The following MGMT variants were observed in gnomAD, a reference collection of about 807,000 sequenced individuals.
MGMT encodes the protein methylated-DNA--protein-cysteine methyltransferase.
MGMT carries 14 observed loss-of-function variants against 15.9 expected under a neutral mutation model. The ratio of observed to expected loss-of-function variants is 0.88; its 90% confidence interval spans 0.58 to 1.37. The LOEUF is 1.37. Ranked by LOEUF, MGMT falls within the 40% of genes most tolerant of loss-of-function variation. MGMT has a pLI of 0.00. For synonymous variants in MGMT, 130 were observed against 118.2 expected (o/e 1.10, Z -0.65); for missense variants, 282 against 268.1 (o/e 1.05, Z -0.36).
At chr10:129,629,131 C>T (rs977656688) in intron 2 of MGMT, among the ~76,000 whole-genome samples, 1 of 152,244 alleles carries the variant, frequency 6.6e-6, no homozygotes, top group African/African-American at 2.4e-5. Flanking sequence ...GCCATTTTAC[C>T]TTCCCCAGGT....
chr10:129,484,684 G>A (rs1291766051), intron 1 of MGMT, among the ~76,000 whole-genome samples: 1 of 152,160 alleles, frequency 6.6e-6, no homozygotes, highest in Non-Finnish European at 1.5e-5. Context: ...GACATTGAGA[G>A]TTTTGTTGTG....
intron 2 of MGMT, among the ~76,000 whole-genome samples, chr10:129,541,320 AGGTTTCTGT>A (rs1041256406): frequency 9.2e-5 from 14 of 152,350 alleles, no homozygotes; most frequent in African/African-American, 2.9e-4. Context: ...TGACAGTATC[AGGTTTCTGT>A]GAATGCCATC....
chr10:129,549,780 A>G (rs988034691), intron 2 of MGMT, among the ~76,000 whole-genome samples: 5 of 152,328 alleles, frequency 3.3e-5, no homozygotes. Flanking sequence ...GGAGAGGTCC[A>G]TTTTAAAGGG....
chr10:129,708,106 C>T (rs561127201), intron 3 of MGMT, 63 bp downstream of exon 3: 338 of 1,534,968 alleles, frequency 2.2e-4, no homozygotes, highest in Non-Finnish European at 2.9e-4. Flanking sequence ...CGATCGCTGA[C>T]ATCACAGTTC....
chr10:129,691,470 TAAG>T (rs750852679), intron 2 of MGMT, among the ~76,000 whole-genome samples: 1 of 152,078 alleles, frequency 6.6e-6, no homozygotes, highest in Non-Finnish European at 1.5e-5. Flanking sequence ...GCATCGCGAG[TAAG>T]AAGAGGGTGT....
At chr10:129,509,848 G>T (rs1219141559) in intron 1 of MGMT, among the ~76,000 whole-genome samples, 1 of 152,222 alleles carries the variant, frequency 6.6e-6, no homozygotes, top group South Asian at 2.1e-4. Flanking sequence ...CCGTAAATTG[G>T]ATGACACCAA....
At chr10:129,531,278 C>T (rs1390354846) in intron 1 of MGMT, among the ~76,000 whole-genome samples, 1 of 152,172 alleles carries the variant, frequency 6.6e-6, no homozygotes, top group Non-Finnish European at 1.5e-5. Flanking sequence ...CTGTTACCCT[C>T]ATGGCTGCTT....
intron 1 of MGMT, among the ~76,000 whole-genome samples, chr10:129,508,120 G>C (rs992916531): frequency 1.3e-5 from 2 of 152,174 alleles, no homozygotes; most frequent in African/African-American, 4.8e-5. Flanking sequence ...CAGCCCAGTA[G>C]CAGTTCTCAG....
chr10:129,615,475 G>A (rs1477081168), intron 2 of MGMT, among the ~76,000 whole-genome samples: 2 of 152,154 alleles, frequency 1.3e-5, no homozygotes, highest in Admixed American at 6.5e-5. Flanking sequence ...ATCTGACGGC[G>A]CCGGGCAGAA....
intron 2 of MGMT, among the ~76,000 whole-genome samples, chr10:129,596,491 C>T (rs1019578276): frequency 3.3e-5 from 5 of 152,072 alleles, no homozygotes; most frequent in East Asian, 1.9e-4. Flanking sequence ...AAGATGAAGG[C>T]GGGCAGATCT....
intron 3 of MGMT, among the ~76,000 whole-genome samples, chr10:129,735,560 T>C (rs1474998920): frequency 2.7e-5 from 4 of 150,612 alleles, no homozygotes. Context: ...CTCTATTTCC[T>C]TCAGTTCTGC....
chr10:129,629,813 G>C (rs962546371), intron 2 of MGMT, among the ~76,000 whole-genome samples: 9 of 152,184 alleles, frequency 5.9e-5, no homozygotes, highest in Non-Finnish European at 1.2e-4. Context: ...TGGCAAGCTG[G>C]GTGGAGGTGT....
chr10:129,638,429 CAAAAAAAAA>C lies in MGMT; in HGVS notation c.126-69458_126-69450del. ...GAAGTCCAAGAGAGGACCAAAGAGG[CAAAAAAAAA>C]AAAAAAAGAAAAAAAAAAGAAAAAT... On this transcript the variant is annotated intron_variant, in intron 2 of 4. Coordinates refer to ENST00000651593, the MANE Select transcript of MGMT (RefSeq NM_002412.5). Among the ~76,000 whole-genome samples, 3 of 61,786 alleles carry C rather than the reference CAAAAAAAAA, an allele frequency of 4.9e-5. No individual in the cohort carries two copies. The South Asian group carries it at 2.3e-3, about 48-fold the overall frequency. 40.5% of individuals were successfully genotyped at this position (61,786 alleles called of 152,430 possible). A position where few individuals can be genotyped will look rare whatever the true frequency, so the allele number is the denominator to read the frequency against.
intron 2 of MGMT, among the ~76,000 whole-genome samples, chr10:129,540,835 C>T (rs1846035084): frequency 6.6e-6 from 1 of 152,220 alleles, no homozygotes; most frequent in South Asian, 2.1e-4. Flanking sequence ...TTTTGTGAAG[C>T]TTCCTGGTTT....
At chr10:129,494,849 G>A (rs1478304354) in intron 1 of MGMT, among the ~76,000 whole-genome samples, 2 of 151,986 alleles carry the variant, frequency 1.3e-5, no homozygotes, top group Non-Finnish European at 2.9e-5. Context: ...TTTTTACCAC[G>A]ACTGCTCTGA....
At chr10:129,728,311 A>G (rs1184951036) in intron 3 of MGMT, among the ~76,000 whole-genome samples, 1 of 152,198 alleles carries the variant, frequency 6.6e-6, no homozygotes, top group African/African-American at 2.4e-5. Context: ...GACGTGAGCG[A>G]TGAACCCATA....
intron 1 of MGMT, among the ~76,000 whole-genome samples, chr10:129,503,750 G>A (rs1450220535): frequency 2.6e-5 from 4 of 152,194 alleles, no homozygotes; most frequent in Non-Finnish European, 5.9e-5. Flanking sequence ...TACTCAGGTA[G>A]AAGCAGACTT....
At chr10:129,511,465 G>A (rs372581232) in intron 1 of MGMT, among the ~76,000 whole-genome samples, 56 of 149,844 alleles carry the variant, frequency 3.7e-4, no homozygotes, top group African/African-American at 1.2e-3. Flanking sequence ...TGGGAACCCC[G>A]TATACCAGAC....
intron 2 of MGMT, among the ~76,000 whole-genome samples, chr10:129,569,335 G>A (rs985911940): frequency 5.3e-5 from 8 of 152,210 alleles, no homozygotes; most frequent in African/African-American, 1.9e-4. Flanking sequence ...AGTTGGCGTT[G>A]TCATCCTGTT....
Sources: allele counts gnomAD v4.1 joint callset (sites outside exome capture counted in the v4.1 genomes callset), GRCh38; gene constraint gnomAD v4.1.1; transcripts MANE v1.5; gene names NCBI Gene and HGNC (gene_info 2026-07-23, HGNC 2026-07-21).